The following NME9 variants were observed in gnomAD, a reference collection of about 807,000 sequenced individuals.
NME9 encodes the protein NME/NM23 family member 9, also known as thioredoxin domain-containing protein 6.
Under a neutral mutation model 44.4 loss-of-function variants are expected in NME9, and 48 were observed. The ratio of observed to expected loss-of-function variants is 1.08; its 90% confidence interval spans 0.86 to 1.37. The LOEUF (loss-of-function observed/expected upper bound fraction) is 1.37, where lower values mean the gene tolerates loss of function less well. NME9 is among the 40% of genes most tolerant of loss of function. The probability of loss-of-function intolerance (pLI) is 0.00; values close to 1 mark genes in which losing one functional copy is unlikely to be tolerated. For missense variants in NME9, 325 were observed against 405.2 expected (o/e 0.80, Z 1.70); for synonymous variants, 139 against 147.1 (o/e 0.94, Z 0.40).
intron 6 of NME9, among the ~76,000 whole-genome samples, chr3:138,307,468 G>A (rs2052358069): frequency 6.6e-6 from 1 of 152,182 alleles, no homozygotes; most frequent in Non-Finnish European, 1.5e-5. Flanking sequence ...GTGTTGAAAT[G>A]AAACAAGACA....
chr3:138,306,235 CCAAT>C, intron 7 of NME9, 139 bp from the exon 8 acceptor site: 1 of 830,036 alleles, frequency 1.2e-6, no homozygotes, highest in South Asian at 1.5e-5. Context: ...ATTATCTGTC[CCAAT>C]CAGATTTAAC....
intron 8 of NME9, among the ~76,000 whole-genome samples, chr3:138,305,682 G>A (rs1402449656): frequency 6.6e-6 from 1 of 152,288 alleles, no homozygotes; most frequent in South Asian, 2.1e-4. Context: ...TGATATGCTC[G>A]AGGCTTTGCT....
chr3:138,292,291 C>T (rs28606027), intron 8 of NME9, among the ~76,000 whole-genome samples: 1,715 of 152,336 alleles, frequency 0.011, 23 homozygotes, highest in African/African-American at 0.039. Context: ...CCACCCACCT[C>T]GGCTTCCCAA....
At chr3:138,288,635 CTTTTTTTTTTTT>C (rs547726493) in intron 8 of NME9, among the ~76,000 whole-genome samples, 2 of 109,678 alleles carry the variant, frequency 1.8e-5, no homozygotes, top group Admixed American at 2.1e-4. Context: ...CTTCTTCAGA[CTTTTTTTTTTTT>C]TTTTTTTTTG....
intron 8 of NME9, among the ~76,000 whole-genome samples, chr3:138,277,748 T>C (rs1032356872): frequency 6.6e-6 from 1 of 152,212 alleles, no homozygotes; most frequent in Non-Finnish European, 1.5e-5. Flanking sequence ...AAGTTGTACA[T>C]ATACGTGCCA....
At position 138,271,936 on chromosome 3, in the gene NME9, C is replaced by T. The variant is rs1216555631; in HGVS notation, c.746-9350G>A. ...TCAACCTCCTGAGTAGCTGGGATTACAGGCGTGTGCCACCACACCTGGCTA... is the reference window on the plus strand; with the variant it reads ...TCAACCTCCTGAGTAGCTGGGATTATAGGCGTGTGCCACCACACCTGGCTA... On this transcript the variant is annotated intron_variant, in intron 8 of 8. Transcript: ENST00000317876. Among the ~76,000 whole-genome samples, 19 of 152,176 alleles carry T rather than the reference C, an allele frequency of 1.2e-4. No individual in the cohort carries two copies. In the East Asian group the frequency reaches 3.1e-3, roughly 25 times the overall value.
At chr3:138,326,912 C>T (rs957411586) in intron 1 of NME9, 7 of 141,870 alleles carry the variant, frequency 4.9e-5, no homozygotes, top group African/African-American at 1.5e-4. Context: ...GAGGCCAGGG[C>T]GGGCAGATCA....
intron 8 of NME9, among the ~76,000 whole-genome samples, chr3:138,273,440 C>A (rs1326785533): frequency 6.6e-6 from 1 of 152,130 alleles, no homozygotes; most frequent in Non-Finnish European, 1.5e-5. Flanking sequence ...GATGGATTTT[C>A]TCATCTGCCT....
chr3:138,281,454 A>T (rs974350013), intron 8 of NME9, among the ~76,000 whole-genome samples: 1 of 151,882 alleles, frequency 6.6e-6, no homozygotes, highest in Admixed American at 6.6e-5. Flanking sequence ...CACCACACCC[A>T]GCTAGTCTTT....
At chr3:138,276,320 C>G (rs907915728) in intron 8 of NME9, among the ~76,000 whole-genome samples, 3 of 152,186 alleles carry the variant, frequency 2.0e-5, no homozygotes, top group Non-Finnish European at 4.4e-5. Context: ...TACAGTGTTT[C>G]AGTTTTGACA....
rs373428613 is a variant in NME9, at chr3:138,290,658, A to C, written c.745+12849T>G. Reference sequence around the variant, plus strand: ...GTGACAAGTGAGTATGAATGTGAAAAGGCCTTGCTTTGGGCTGTGTTGGAT... The same window carrying C: ...GTGACAAGTGAGTATGAATGTGAAACGGCCTTGCTTTGGGCTGTGTTGGAT... On this transcript the variant is annotated intron_variant, in intron 8 of 8. Coordinates refer to the NME9 transcript ENST00000317876. 38 of 1,549,922 alleles carry C rather than the reference A, an allele frequency of 2.5e-5. No individual in the cohort carries two copies. The African/African-American group carries it at 4.7e-4, about 19-fold the overall frequency.
At position 138,313,459 on chromosome 3, in the gene NME9, T is replaced by C. The variant is rs573493726; in HGVS notation, c.460+873A>G. On this transcript the variant is annotated intron_variant, in intron 6 of 10. Coordinates refer to ENST00000333911, the MANE Select transcript of NME9 (RefSeq NM_001349018.2). Reference sequence around the variant, plus strand: ...GGATGTAGAGAAAGGGGAATGTTCATATACTGCTGGTATGAATGTAAATTA... The same window carrying C: ...GGATGTAGAGAAAGGGGAATGTTCACATACTGCTGGTATGAATGTAAATTA... 4.0e-4 allele frequency among the ~76,000 whole-genome samples: 61 copies of C among 152,184 alleles called. 1 individual carries two copies. Among genetic ancestry groups the C allele is most frequent in the Non-Finnish European group, 7.8e-4 (53 of 67,994 alleles).
At position 138,329,446 on chromosome 3, in the gene NME9, C is replaced by G; in HGVS notation, c.-111G>C. The G allele has an allele frequency of 6.6e-7, 1 of 1,511,196 alleles. No individual in the cohort carries two copies. Among genetic ancestry groups the G allele is most frequent in the East Asian group, 2.5e-5 (1 of 40,052 alleles). The allele number at this position is 1,511,196 out of a possible 1,614,324, so 93.6% of individuals were successfully genotyped here. ...AAGCCCAGAGCCTCCTTCAGACAAG[C>G]CCCCCTCCTACGGCCCCCGGCCCCT... is the stretch of plus-strand genomic sequence containing the variant. On this transcript the variant is annotated 5_prime_UTR_variant, in exon 1 of 11. Coordinates refer to ENST00000333911, the MANE Select transcript of NME9 (RefSeq NM_001349018.2).
intron 8 of NME9, among the ~76,000 whole-genome samples, chr3:138,285,430 T>C (rs185188970): frequency 8.5e-5 from 13 of 152,294 alleles, no homozygotes; most frequent in African/African-American, 3.1e-4. Flanking sequence ...TATTCCTCTC[T>C]TCCTTTGTTC....
At chr3:138,279,997 G>A (rs542138732) in intron 8 of NME9, among the ~76,000 whole-genome samples, 41 of 151,430 alleles carry the variant, frequency 2.7e-4, no homozygotes, top group Middle Eastern at 6.8e-3. Flanking sequence ...TCTGCCTCCC[G>A]GGTTCAAACC....
intron 8 of NME9, among the ~76,000 whole-genome samples, chr3:138,270,446 T>G (rs1408976126): frequency 6.6e-6 from 1 of 152,220 alleles, no homozygotes; most frequent in Non-Finnish European, 1.5e-5. Flanking sequence ...GCCACCTACT[T>G]TACAAAGCAC....
At chr3:138,313,969 GA>G (rs2052889412) in intron 6 of NME9, among the ~76,000 whole-genome samples, 1 of 152,282 alleles carries the variant, frequency 6.6e-6, no homozygotes, top group Admixed American at 6.5e-5. Context: ...ATAGACAGAA[GA>G]AATCAGACCT....
downstream of NME9, chr3:138,296,165 A>G (rs2051464546): frequency 2.7e-6 from 1 of 367,848 alleles, no homozygotes; most frequent in South Asian, 4.2e-5. Context: ...TTTCCTTTGG[A>G]CCTACAATTT....
rs1315051448 is a variant in NME9 at position 138,272,825 on chromosome 3, T to C, written c.746-10239A>G. The C allele has an allele frequency of 4.6e-6, 3 of 646,416 alleles. No homozygotes were observed. In the East Asian group the frequency reaches 1.1e-4, roughly 23 times the overall value. The allele number at this position is 646,416 out of a possible 1,614,324, so 40.0% of individuals were successfully genotyped here. A position where few individuals can be genotyped will look rare whatever the true frequency, so the allele number is the denominator to read the frequency against. ...AGGCAGAGGTTGCAGTGAGCCGTTA[T>C]TGTGCCACTGCACACCAGCCTGGGC... On this transcript the variant is annotated intron_variant, in intron 8 of 8. Transcript: ENST00000317876.
Sources: allele counts gnomAD v4.1 joint callset (sites outside exome capture counted in the v4.1 genomes callset), GRCh38; gene constraint gnomAD v4.1.1; transcripts MANE v1.5; gene names NCBI Gene and HGNC (gene_info 2026-07-23, HGNC 2026-07-21).